EFCAB6: variants seen among roughly 807,000 people sequenced by gnomAD.
EFCAB6 encodes the protein EF-hand calcium-binding domain-containing protein 6.
Under a neutral mutation model 169.8 loss-of-function variants are expected in EFCAB6, and 156 were observed. The observed-to-expected ratio is 0.92, with a 90% CI of 0.81 to 1.05. The LOEUF is 1.05. Among genes scored for constraint, EFCAB6 ranks in the 50% least tolerant of loss-of-function variants. The pLI, the probability that EFCAB6 is intolerant of heterozygous loss-of-function variation, is 0.00. For missense variants in EFCAB6, 1,800 were observed against 1,829.1 expected (o/e 0.98, Z 0.29); for synonymous variants, 698 against 676.4 (o/e 1.03, Z -0.50).
At chr22:43,586,781 G>C (rs148120868) in intron 24 of EFCAB6, among the ~76,000 whole-genome samples, 3 of 152,094 alleles carry the variant, frequency 2.0e-5, no homozygotes, top group African/African-American at 7.2e-5. Context: ...CTGAGCCCTC[G>C]TTATGAATGC....
intron 3 of EFCAB6, among the ~76,000 whole-genome samples, chr22:43,775,883 T>C (rs964630772): frequency 6.6e-6 from 1 of 152,234 alleles, no homozygotes; most frequent in African/African-American, 2.4e-5. Flanking sequence ...CATCAACTGC[T>C]AGCCATTCGA....
chr22:43,605,163 G>C (rs921671436), intron 22 of EFCAB6, among the ~76,000 whole-genome samples: 9 of 152,216 alleles, frequency 5.9e-5, no homozygotes, highest in African/African-American at 2.2e-4. Context: ...ATGACACTGA[G>C]AGAAATCGGA....
chr22:43,615,951 G>T, intron 20 of EFCAB6, 29 bp from the exon 21 acceptor site: 1 of 1,574,994 alleles, frequency 6.3e-7, no homozygotes, highest in South Asian at 1.1e-5. Context: ...ATAAATAACT[G>T]TGTTTAAATT....
chr22:43,531,456 A>G (rs370583192), intron 30 of EFCAB6, among the ~76,000 whole-genome samples: 131 of 152,304 alleles, frequency 8.6e-4, no homozygotes, highest in African/African-American at 3.2e-3. Context: ...AAAAATTCAC[A>G]AGGTTGTAAT....
chr22:43,629,840 T>C (rs2054805319), intron 19 of EFCAB6, among the ~76,000 whole-genome samples: 1 of 151,970 alleles, frequency 6.6e-6, no homozygotes, highest in South Asian at 2.1e-4. Flanking sequence ...GCAGGATGTA[T>C]CCTGAGAGCA....
At chr22:43,651,225 C>G (rs963124187) in intron 17 of EFCAB6, among the ~76,000 whole-genome samples, 1 of 152,306 alleles carries the variant, frequency 6.6e-6, no homozygotes, top group African/African-American at 2.4e-5. Context: ...GCCCAGGGTC[C>G]CTGAGCTGTG....
intron 16 of EFCAB6, among the ~76,000 whole-genome samples, chr22:43,667,874 C>T (rs375138103): frequency 6.6e-6 from 1 of 152,152 alleles, no homozygotes; most frequent in South Asian, 2.1e-4. Context: ...GCTATTTCCT[C>T]AGCTCTCTGG....
At chr22:43,544,439 A>G (rs1164989193) in intron 27 of EFCAB6, among the ~76,000 whole-genome samples, 1 of 152,102 alleles carries the variant, frequency 6.6e-6, no homozygotes, top group Non-Finnish European at 1.5e-5. Flanking sequence ...TTTTCTCTGT[A>G]GCAGACACAA....
In EFCAB6 at chr22:43,671,066, G is replaced by GT. The variant is rs2057469893; in HGVS notation, c.1640+906_1640+907insA. On this transcript the variant is annotated intron_variant, in intron 15 of 31. Coordinates refer to ENST00000262726, the MANE Select transcript of EFCAB6 (RefSeq NM_022785.4). ...GTTTGGAGCTGATTCAACCCAGGCA[G>GT]CCCAGCTGCACAGTCTCAGCTCCTG... is the stretch of plus-strand genomic sequence containing the variant. Among the ~76,000 whole-genome samples, 9 of 152,340 alleles carry GT rather than the reference G, an allele frequency of 5.9e-5. 1 individual carries two copies. In the South Asian group the frequency reaches 1.5e-3, roughly 25 times the overall value.
At chr22:43,685,605 C>G (rs949886984) in intron 11 of EFCAB6, among the ~76,000 whole-genome samples, 7 of 152,160 alleles carry the variant, frequency 4.6e-5, no homozygotes, top group Non-Finnish European at 2.9e-5. Flanking sequence ...TAAAATTTCT[C>G]AAGATCTTGG....
intron 2 of EFCAB6, among the ~76,000 whole-genome samples, chr22:43,797,930 A>G (rs905704289): frequency 6.6e-6 from 1 of 152,112 alleles, no homozygotes; most frequent in African/African-American, 2.4e-5. Context: ...TAGACCACCT[A>G]TTCCTCGCCC....
chr22:43,713,907 AAAG>A (rs973950700), intron 9 of EFCAB6, among the ~76,000 whole-genome samples: 73 of 152,318 alleles, frequency 4.8e-4, no homozygotes, highest in Middle Eastern at 3.4e-3. Flanking sequence ...GGAAAAAGAG[AAAG>A]AAGGATCAGG....
At chr22:43,574,224 A>T (rs1271990089) in intron 26 of EFCAB6, among the ~76,000 whole-genome samples, 1 of 152,176 alleles carries the variant, frequency 6.6e-6, no homozygotes, top group Non-Finnish European at 1.5e-5. Context: ...TCTTTAAGTG[A>T]CAGGGTACAA....
Position 43,528,780 on chromosome 22 carries a change from C to T in EFCAB6, c.*73G>A, listed in dbSNP as rs1393138529. The stretch of plus-strand genomic sequence containing the variant: ...TTTTTTTGAAAATTCATGAAACCCC[C>T]AAATTATAGGATTTTATTAGCCTTG... On this transcript the variant is annotated 3_prime_UTR_variant, in exon 32 of 32. Transcript: ENST00000262726. The T allele has an allele frequency of 6.8e-7, 1 of 1,480,422 alleles. No individual in the cohort carries two copies. The highest frequency in any genetic ancestry group is 9.1e-7 in the Non-Finnish European group (1 of 1,099,444). The allele number at this position is 1,480,422 out of a possible 1,614,324, so 91.7% of individuals were successfully genotyped here. A position where few individuals can be genotyped will look rare whatever the true frequency, so the allele number is the denominator to read the frequency against.
Position 43,717,201 on chromosome 22 carries a change from G to C in EFCAB6, c.758-229C>G, listed in dbSNP as rs546232489. Among the ~76,000 whole-genome samples, 164 of 152,160 alleles carry C rather than the reference G, an allele frequency of 1.1e-3. 1 individual carries two copies. The highest frequency in any genetic ancestry group is 3.7e-3 in the African/African-American group (154 of 41,536). On this transcript the variant is annotated intron_variant, in intron 8 of 31. Coordinates refer to ENST00000262726, the MANE Select transcript of EFCAB6 (RefSeq NM_022785.4). ...CTCTAGGATAAACACTAGATAGAGT[G>C]AAATGTACACTAAATAGAATAATAC... is the stretch of plus-strand genomic sequence containing the variant.
Position 43,760,631 on chromosome 22 carries a change from G to A in EFCAB6, c.440+4674C>T, listed in dbSNP as rs183627183. On this transcript the variant is annotated intron_variant, in intron 5 of 31. Coordinates refer to ENST00000262726, the MANE Select transcript of EFCAB6 (RefSeq NM_022785.4). ...AGAGGTGGTTAGGCCTGAAGGTTCC[G>A]CCCTCTTGAATAGGAGTAGGTGCAT... 1.7e-3 allele frequency among the ~76,000 whole-genome samples: 259 copies of A among 150,658 alleles called. 1 individual carries two copies. The highest frequency in any genetic ancestry group is 6.2e-3 in the African/African-American group (256 of 41,002).
intron 8 of EFCAB6, among the ~76,000 whole-genome samples, chr22:43,720,807 A>T (rs554659561): frequency 6.6e-6 from 1 of 152,124 alleles, no homozygotes; most frequent in Non-Finnish European, 1.5e-5. Flanking sequence ...TGAGAAGAAA[A>T]CCAAACAATG....
intron 5 of EFCAB6, among the ~76,000 whole-genome samples, chr22:43,756,278 G>A (rs1253079466): frequency 9.9e-5 from 15 of 152,148 alleles, no homozygotes; most frequent in Non-Finnish European, 1.8e-4. Flanking sequence ...TCAGACCCAG[G>A]TGCTCTGGGT....
chr22:43,810,816 T>C (rs956315957), intron 1 of EFCAB6, among the ~76,000 whole-genome samples: 1 of 152,158 alleles, frequency 6.6e-6, no homozygotes, highest in Admixed American at 6.5e-5. Context: ...AAAATCCTCA[T>C]CCTCAAAGGA....
Sources: allele counts gnomAD v4.1 joint callset (sites outside exome capture counted in the v4.1 genomes callset), GRCh38; gene constraint gnomAD v4.1.1; transcripts MANE v1.5; gene names NCBI Gene and HGNC (gene_info 2026-07-23, HGNC 2026-07-21).